Variants in NIM1K observed in about 807,000 individuals in gnomAD.
NIM1K encodes serine/threonine-protein kinase NIM1.
NIM1K carries 35 observed loss-of-function variants against 37.1 expected under a neutral mutation model. That is an observed-to-expected ratio of 0.94 (90% CI 0.72 to 1.25). The LOEUF is 1.25. NIM1K is among the 50% of genes most tolerant of loss of function. The pLI is 0.00. For missense variants in NIM1K, 564 were observed against 548.0 expected (o/e 1.03, Z -0.29); for synonymous variants, 234 against 206.6 (o/e 1.13, Z -1.14).
At chr5:43,206,193 T>C (rs1752107897) in intron 1 of NIM1K, among the ~76,000 whole-genome samples, 1 of 151,990 alleles carries the variant, frequency 6.6e-6, no homozygotes, top group African/African-American at 2.4e-5. Context: ...GTGGAAATAC[T>C]GAGATGGAGC....
intron 1 of NIM1K, among the ~76,000 whole-genome samples, chr5:43,236,612 C>CATA (rs1432498849): frequency 6.6e-6 from 1 of 152,268 alleles, no homozygotes; most frequent in Non-Finnish European, 1.5e-5. Context: ...CCACGCCAGG[C>CATA]ATAGGCACTG....
intron 1 of NIM1K, among the ~76,000 whole-genome samples, chr5:43,217,351 A>C (rs190848303): frequency 6.6e-6 from 1 of 151,334 alleles, no homozygotes; most frequent in African/African-American, 2.4e-5. Context: ...GATATACTAC[A>C]TGTATTTATC....
intron 1 of NIM1K, among the ~76,000 whole-genome samples, chr5:43,236,527 A>G (rs149425469): frequency 6.6e-6 from 1 of 152,366 alleles, no homozygotes; most frequent in East Asian, 1.9e-4. Flanking sequence ...CTTTTCAAGA[A>G]TTATAAGATC....
At chr5:43,263,587 AT>A (rs763773904) in intron 2 of NIM1K, among the ~76,000 whole-genome samples, 1 of 146,952 alleles carries the variant, frequency 6.8e-6, no homozygotes, top group Non-Finnish European at 1.5e-5. Flanking sequence ...TGATTTTTTT[AT>A]TTTTTTAAGG....
At chr5:43,270,921 C>T (rs1393007809) in intron 2 of NIM1K, among the ~76,000 whole-genome samples, 1 of 152,162 alleles carries the variant, frequency 6.6e-6, no homozygotes, top group Non-Finnish European at 1.5e-5. Context: ...CACCCAAACA[C>T]CAAGTGGTAT....
intron 2 of NIM1K, among the ~76,000 whole-genome samples, chr5:43,261,201 G>T (rs1753024899): frequency 6.6e-6 from 1 of 152,194 alleles, no homozygotes; most frequent in African/African-American, 2.4e-5. Flanking sequence ...CTTCCTCAAT[G>T]GTTGAACTAG....
chr5:43,257,742 T>C (rs147820566), intron 2 of NIM1K, among the ~76,000 whole-genome samples: 311 of 152,112 alleles, frequency 2.0e-3, no homozygotes, highest in African/African-American at 7.1e-3. Context: ...AGAGGCTTTT[T>C]TGTGATGTTT....
At position 43,251,957 on chromosome 5, in the gene NIM1K, C is replaced by T. The variant is rs555572374; in HGVS notation, c.292+5890C>T. On this transcript the variant is annotated intron_variant, in intron 2 of 3. Coordinates refer to ENST00000326035, the MANE Select transcript of NIM1K (RefSeq NM_153361.4). ...CTGTAACCCTTTGAGTCACGTGGGC[C>T]ACTACTGTCTCAGCAGAGCCAAAGG... 9.2e-5 allele frequency among the ~76,000 whole-genome samples: 14 copies of T among 152,244 alleles called. 1 individual carries two copies. In the South Asian group the frequency reaches 1.2e-3, roughly 14 times the overall value.
chr5:43,213,651 G>A (rs977471246), intron 1 of NIM1K, among the ~76,000 whole-genome samples: 10 of 152,056 alleles, frequency 6.6e-5, no homozygotes, highest in Admixed American at 3.3e-4. Context: ...CTGCCACCAC[G>A]CCCGGCTTAT....
At chr5:43,249,879 G>A (rs569419160) in intron 2 of NIM1K, among the ~76,000 whole-genome samples, 33 of 132,996 alleles carry the variant, frequency 2.5e-4, no homozygotes, top group African/African-American at 9.0e-4. Context: ...TTGAGATGGA[G>A]TCTCGCTCTG....
chr5:43,258,547 T>A (rs979264369), intron 2 of NIM1K, among the ~76,000 whole-genome samples: 2 of 152,008 alleles, frequency 1.3e-5, no homozygotes, highest in African/African-American at 2.4e-5. Context: ...ATTTGAGTGA[T>A]CCTCCAACCT....
intron 1 of NIM1K, among the ~76,000 whole-genome samples, chr5:43,208,221 A>T (rs865932967): frequency 6.6e-5 from 10 of 152,136 alleles, no homozygotes; most frequent in Admixed American, 2.0e-4. Context: ...TAATTGACTT[A>T]GATATTAAAA....
At chr5:43,231,877 CCTT>C in intron 1 of NIM1K, 1 of 1,168,022 alleles carries the variant, frequency 8.6e-7, no homozygotes, top group Non-Finnish European at 1.2e-6. Flanking sequence ...TCCTTATAAT[CCTT>C]CTCAAGGGCA....
At chr5:43,248,395 AC>A (rs1221266084) in intron 2 of NIM1K, among the ~76,000 whole-genome samples, 1 of 152,168 alleles carries the variant, frequency 6.6e-6, no homozygotes, top group Non-Finnish European at 1.5e-5. Context: ...TGGAAGGTTA[AC>A]CATATAGTGA....
chr5:43,202,827 G>T (rs1752050240), intron 1 of NIM1K, among the ~76,000 whole-genome samples: 1 of 152,154 alleles, frequency 6.6e-6, no homozygotes, highest in Admixed American at 6.5e-5. Flanking sequence ...TCTGAGTTTT[G>T]AGTTATTTTA....
chr5:43,213,182 TTTCTTTCTTTC>T (rs1752231298), intron 1 of NIM1K, among the ~76,000 whole-genome samples: 1 of 73,480 alleles, frequency 1.4e-5, no homozygotes, highest in African/African-American at 5.1e-5. Flanking sequence ...TCTTTCTTTC[TTTCTTTCTTTC>T]TTTCTTTCTT....
chr5:43,203,014 G>T (rs987414078), intron 1 of NIM1K, among the ~76,000 whole-genome samples: 6 of 152,088 alleles, frequency 3.9e-5, no homozygotes, highest in South Asian at 2.1e-4. Context: ...TTCAGCTCCA[G>T]CCTTTCGATG....
At chr5:43,222,703 C>T (rs1471811870) in intron 1 of NIM1K, among the ~76,000 whole-genome samples, 4 of 151,632 alleles carry the variant, frequency 2.6e-5, no homozygotes, top group African/African-American at 9.7e-5. Context: ...TACTGTACTC[C>T]AACCTGGGCG....
At chr5:43,235,559 C>G (rs1752608179) in intron 1 of NIM1K, among the ~76,000 whole-genome samples, 2 of 152,168 alleles carry the variant, frequency 1.3e-5, no homozygotes, top group Non-Finnish European at 2.9e-5. Flanking sequence ...GAATTGTTTT[C>G]ATAATCTTCC....
Sources: allele counts gnomAD v4.1 joint callset (sites outside exome capture counted in the v4.1 genomes callset), GRCh38; gene constraint gnomAD v4.1.1; transcripts MANE v1.5; gene names NCBI Gene and HGNC (gene_info 2026-07-23, HGNC 2026-07-21).